The following MYO1D variants were observed in gnomAD, a reference collection of about 807,000 sequenced individuals.
The protein encoded by MYO1D is myosin ID.
Under a neutral mutation model 122.0 loss-of-function variants are expected in MYO1D, and 83 were observed. That is an observed-to-expected ratio of 0.68 (90% confidence interval 0.57 to 0.82). The LOEUF is 0.82. Among genes scored for constraint, MYO1D ranks in the 40% least tolerant of loss-of-function variants. MYO1D has a pLI of 0.00. For synonymous variants in MYO1D, 464 were observed against 446.9 expected, an observed-to-expected ratio of 1.04 and a Z score of -0.48; for missense variants, 1,157 against 1,269.5, an observed-to-expected ratio of 0.91 and a Z score of 1.35.
At chr17:32,753,505 T>C (rs2089918665) in intron 11 of MYO1D, among the ~76,000 whole-genome samples, 1 of 152,118 alleles carries the variant, frequency 6.6e-6, no homozygotes, top group Non-Finnish European at 1.5e-5. Context: ...CTCCCATAAA[T>C]TTGAAAAAGA....
chr17:32,659,492 T>C, intron 16 of MYO1D, 154 bp from the exon 17 acceptor site: 2 of 667,852 alleles, frequency 3.0e-6, no homozygotes, highest in Non-Finnish European at 5.1e-6. Context: ...CAGTTCCACC[T>C]GCCACCAACA....
At chr17:32,771,356 CTTGT>C (rs1213056953) in intron 5 of MYO1D, 136 bp from the exon 6 acceptor site, 7 of 588,148 alleles carry the variant, frequency 1.2e-5, no homozygotes, top group South Asian at 9.1e-5. Flanking sequence ...TGAAGTTTTG[CTTGT>C]TTGTTTTTTT....
chr17:32,516,206 C>T (rs777687510), intron 21 of MYO1D, among the ~76,000 whole-genome samples: 1 of 152,190 alleles, frequency 6.6e-6, no homozygotes, highest in African/African-American at 2.4e-5. Flanking sequence ...ACAGATGAAA[C>T]ATTCCATGCA....
intron 14 of MYO1D, among the ~76,000 whole-genome samples, chr17:32,722,864 A>AT (rs2089528408): frequency 6.6e-6 from 1 of 152,192 alleles, no homozygotes; most frequent in South Asian, 2.1e-4. Context: ...GAGGTGACTC[A>AT]TAGCTGGGCA....
chr17:32,594,158 AACTT>A (rs2087466957), intron 21 of MYO1D: 1 of 159,124 alleles, frequency 6.3e-6, no homozygotes, highest in African/African-American at 2.4e-5. Context: ...GGCTCTCTGG[AACTT>A]CAGAAAAAGT....
chr17:32,658,715 T>C, intron 17 of MYO1D: 1 of 187,442 alleles, frequency 5.3e-6, no homozygotes, highest in East Asian at 1.4e-4. Flanking sequence ...GCATATTTCC[T>C]AAACTCCTTG....
chr17:32,858,411 C>T (rs1312008411), intron 1 of MYO1D, among the ~76,000 whole-genome samples: 1 of 152,178 alleles, frequency 6.6e-6, no homozygotes, highest in Non-Finnish European at 1.5e-5. Flanking sequence ...GTTGTTATGT[C>T]TTGTTATTCT....
intron 21 of MYO1D, among the ~76,000 whole-genome samples, chr17:32,521,316 C>T (rs755497017): frequency 7.9e-5 from 12 of 152,104 alleles, no homozygotes; most frequent in African/African-American, 1.4e-4. Context: ...GCTCAAAAAA[C>T]GCATATTGTC....
intron 18 of MYO1D, 119 bp downstream of exon 18, chr17:32,654,358 T>C (rs985086600): frequency 2.7e-6 from 3 of 1,130,826 alleles, no homozygotes; most frequent in African/African-American, 1.6e-5. Context: ...TAGTATCTCA[T>C]AGAAATTATT....
At chr17:32,784,230 T>C (rs2090269612) in intron 1 of MYO1D, among the ~76,000 whole-genome samples, 1 of 152,212 alleles carries the variant, frequency 6.6e-6, no homozygotes, top group African/African-American at 2.4e-5. Flanking sequence ...TTGCTCTTGT[T>C]CTCATTAATG....
chr17:32,691,506 A>C (rs1049133234), intron 16 of MYO1D, among the ~76,000 whole-genome samples: 1 of 149,620 alleles, frequency 6.7e-6, no homozygotes, highest in Admixed American at 6.8e-5. Flanking sequence ...TCCTGGGTTC[A>C]AGCGATTCTC....
At chr17:32,816,984 T>C (rs1213270954) in intron 1 of MYO1D, among the ~76,000 whole-genome samples, 1 of 152,110 alleles carries the variant, frequency 6.6e-6, no homozygotes, top group Non-Finnish European at 1.5e-5. Context: ...AAAAATTATG[T>C]AACTTAGGCA....
chr17:32,731,681 C>G (rs2089640801), intron 14 of MYO1D, among the ~76,000 whole-genome samples: 1 of 152,226 alleles, frequency 6.6e-6, no homozygotes, highest in Non-Finnish European at 1.5e-5. Context: ...CTCCGTGGAG[C>G]TGGCAGTAGC....
intron 21 of MYO1D, among the ~76,000 whole-genome samples, chr17:32,534,448 C>G (rs928454371): frequency 4.6e-5 from 7 of 152,132 alleles, no homozygotes; most frequent in Non-Finnish European, 1.0e-4. Flanking sequence ...GTTGGGTTTA[C>G]AGGTATGAGC....
intron 16 of MYO1D, among the ~76,000 whole-genome samples, chr17:32,700,817 G>A (rs1260711895): frequency 5.3e-5 from 8 of 151,662 alleles, no homozygotes; most frequent in Non-Finnish European, 1.0e-4. Flanking sequence ...GGTGGTGTGC[G>A]CCTGTAATAC....
At chr17:32,670,369 AGTT>A (rs1207178902) in intron 16 of MYO1D, among the ~76,000 whole-genome samples, 1 of 152,218 alleles carries the variant, frequency 6.6e-6, no homozygotes, top group Non-Finnish European at 1.5e-5. Flanking sequence ...ACTCTCAAAT[AGTT>A]CCAAAACCAA....
At chr17:32,648,997 A>G (rs2088342777) in intron 19 of MYO1D, among the ~76,000 whole-genome samples, 1 of 152,228 alleles carries the variant, frequency 6.6e-6, no homozygotes, top group Non-Finnish European at 1.5e-5. Flanking sequence ...CGTTTATAAC[A>G]TATCACAGTC....
intron 1 of MYO1D, among the ~76,000 whole-genome samples, chr17:32,860,796 A>G (rs2091065820): frequency 6.6e-6 from 1 of 152,216 alleles, no homozygotes; most frequent in Non-Finnish European, 1.5e-5. Flanking sequence ...AACTTCATGC[A>G]TCTATACAAC....
At chr17:32,676,612 C>A (rs373773615) in intron 16 of MYO1D, among the ~76,000 whole-genome samples, 1 of 152,044 alleles carries the variant, frequency 6.6e-6, no homozygotes, top group Non-Finnish European at 1.5e-5. Context: ...AACCTAGAAC[C>A]TGTGGCGGCT....
Sources: allele counts gnomAD v4.1 joint callset (sites outside exome capture counted in the v4.1 genomes callset), GRCh38; gene constraint gnomAD v4.1.1; transcripts MANE v1.5; gene names NCBI Gene and HGNC (gene_info 2026-07-23, HGNC 2026-07-21).